Variants in TRIM33 observed in about 807,000 individuals in gnomAD.
The protein encoded by TRIM33 is E3 ubiquitin-protein ligase TRIM33.
Under a neutral mutation model 125.4 loss-of-function variants are expected in TRIM33, and 20 were observed. That is an observed-to-expected ratio of 0.16 (90% CI 0.11 to 0.23). The LOEUF is 0.23. Among genes scored for constraint, TRIM33 ranks in the 10% least tolerant of loss-of-function variants. The probability of loss-of-function intolerance (pLI) is 1.00; values close to 1 mark genes in which losing one functional copy is unlikely to be tolerated. For synonymous variants in TRIM33, 564 were observed against 513.9 expected (o/e 1.10, Z -1.32); for missense variants, 920 against 1,411.4 (o/e 0.65, Z 5.58).
At chr1:114,491,025 G>C (rs546210057) in intron 1 of TRIM33, among the ~76,000 whole-genome samples, 1 of 152,242 alleles carries the variant, frequency 6.6e-6, no homozygotes, top group South Asian at 2.1e-4. Flanking sequence ...GGGTAAGTGA[G>C]TAATAACTGC....
chr1:114,411,583 G>C lies in TRIM33; in HGVS notation c.2062-1267C>G, dbSNP rs191259263. The stretch of plus-strand genomic sequence containing the variant: ...GATGCATCCCACCTAAAAACAGAAG[G>C]GGGAAGATGATTCAAAACTGACATG... On this transcript the variant is annotated intron_variant, in intron 11 of 19. Transcript: ENST00000358465. 2.9e-4 allele frequency among the ~76,000 whole-genome samples: 44 copies of C among 152,156 alleles called. No homozygotes were observed. The East Asian group carries it at 5.4e-3, about 19-fold the overall frequency.
At chr1:114,432,215 G>A (rs1242023329) in intron 5 of TRIM33, among the ~76,000 whole-genome samples, 1 of 152,062 alleles carries the variant, frequency 6.6e-6, no homozygotes, top group Non-Finnish European at 1.5e-5. Flanking sequence ...TCTGGAACAC[G>A]TGTACAAAAT....
chr1:114,405,863 T>A, intron 14 of TRIM33, 104 bp from the exon 15 acceptor site: 1 of 994,836 alleles, frequency 1.0e-6, no homozygotes, highest in Non-Finnish European at 1.5e-6. Context: ...TATACTGACG[T>A]AACAAATTTA....
intron 4 of TRIM33, among the ~76,000 whole-genome samples, chr1:114,449,497 G>A (rs1464849710): frequency 6.6e-6 from 1 of 152,140 alleles, no homozygotes. Flanking sequence ...TATTAGTCTA[G>A]TAGATACAAG....
chr1:114,428,391 T>G (rs1032516398), intron 6 of TRIM33, among the ~76,000 whole-genome samples: 1 of 152,166 alleles, frequency 6.6e-6, no homozygotes, highest in East Asian at 1.9e-4. Context: ...TAGGGAAACT[T>G]TTGATATCAC....
chr1:114,405,224 GTAC>G (rs1200702505), intron 15 of TRIM33, 183 bp downstream of exon 15: 5 of 555,780 alleles, frequency 9.0e-6, no homozygotes, highest in Non-Finnish European at 1.6e-5. Context: ...TAACATTAAT[GTAC>G]TACTTAGATC....
At chr1:114,446,406 T>C (rs889808898) in intron 4 of TRIM33, among the ~76,000 whole-genome samples, 3 of 152,166 alleles carry the variant, frequency 2.0e-5, no homozygotes, top group African/African-American at 7.2e-5. Flanking sequence ...TGTTAAGGTA[T>C]ATAATGCATG....
chr1:114,460,783 T>C (rs1454058557), intron 4 of TRIM33, among the ~76,000 whole-genome samples: 1 of 152,018 alleles, frequency 6.6e-6, no homozygotes, highest in Non-Finnish European at 1.5e-5. Context: ...TCAGTCCCTC[T>C]CTCTCTATAA....
chr1:114,424,512 C>A (rs1647424104), intron 10 of TRIM33, 79 bp downstream of exon 10: 1 of 1,323,468 alleles, frequency 7.6e-7, no homozygotes, highest in Non-Finnish European at 1.0e-6. Context: ...CAATGACCTG[C>A]TCCCAAAAAG....
chr1:114,418,687 G>A (rs1178302209), intron 11 of TRIM33, among the ~76,000 whole-genome samples: 1 of 152,056 alleles, frequency 6.6e-6, no homozygotes, highest in Non-Finnish European at 1.5e-5. Flanking sequence ...CATCACTATT[G>A]CTGAACTTAA....
intron 4 of TRIM33, among the ~76,000 whole-genome samples, chr1:114,450,122 T>G (rs2101299107): frequency 6.6e-6 from 1 of 152,290 alleles, no homozygotes; most frequent in East Asian, 1.9e-4. Context: ...CTGGGCATGG[T>G]GGCTCACGCC....
intron 4 of TRIM33, among the ~76,000 whole-genome samples, chr1:114,451,755 A>C (rs1306762742): frequency 1.3e-5 from 2 of 152,206 alleles, no homozygotes; most frequent in Admixed American, 1.3e-4. Flanking sequence ...CAGTGCTTGT[A>C]ATCCTCACAA....
At chr1:114,508,195 C>A (rs1431725992) in intron 1 of TRIM33, among the ~76,000 whole-genome samples, 1 of 152,140 alleles carries the variant, frequency 6.6e-6, no homozygotes, top group Non-Finnish European at 1.5e-5. Context: ...AGAAATATTA[C>A]TTAAGATTGA....
chr1:114,419,975 C>A (rs1399849227), intron 11 of TRIM33, among the ~76,000 whole-genome samples: 3 of 152,146 alleles, frequency 2.0e-5, no homozygotes, highest in Non-Finnish European at 4.4e-5. Flanking sequence ...AAATATTAAA[C>A]TGCAGCCACA....
intron 11 of TRIM33, chr1:114,420,285 C>T: frequency 3.4e-6 from 2 of 592,052 alleles, no homozygotes; most frequent in Non-Finnish European, 6.0e-6. Flanking sequence ...GTATAAGCCT[C>T]AAAGTGTCTA....
At chr1:114,508,649 A>G (rs1348734203) in intron 1 of TRIM33, among the ~76,000 whole-genome samples, 1 of 152,072 alleles carries the variant, frequency 6.6e-6, no homozygotes, top group Non-Finnish European at 1.5e-5. Context: ...GTGTCTGAAT[A>G]TGTATTAATA....
chr1:114,446,610 A>G (rs1285049862), intron 4 of TRIM33, among the ~76,000 whole-genome samples: 2 of 152,220 alleles, frequency 1.3e-5, no homozygotes, highest in African/African-American at 2.4e-5. Flanking sequence ...TGGAACACCA[A>G]AAACTATTTA....
At chr1:114,415,235 C>T (rs965899518) in intron 11 of TRIM33, among the ~76,000 whole-genome samples, 13 of 151,968 alleles carry the variant, frequency 8.6e-5, no homozygotes, top group Non-Finnish European at 1.9e-4. Context: ...GCCTCAAGTG[C>T]TCTTCCTATC....
intron 11 of TRIM33, among the ~76,000 whole-genome samples, chr1:114,411,052 ATTTTT>A (rs1251380455): frequency 6.6e-6 from 1 of 152,088 alleles, no homozygotes; most frequent in African/African-American, 2.4e-5. Context: ...TCTTTTATTT[ATTTTT>A]GAGACAGGGT....
Sources: gnomAD v4.1 joint callset for allele counts (sites outside exome capture counted in the v4.1 genomes callset) on GRCh38, gnomAD v4.1.1 for gene constraint, MANE v1.5 for transcripts, NCBI Gene and HGNC (gene_info 2026-07-23, HGNC 2026-07-21) for gene names.